REV1: variants seen among roughly 807,000 people sequenced by gnomAD.
REV1 encodes REV1 DNA directed polymerase.
A neutral mutation model predicts 137.4 loss-of-function variants in REV1; 42 were observed. The ratio of observed to expected loss-of-function variants is 0.31; its 90% confidence interval spans 0.24 to 0.40. REV1 has a LOEUF of 0.40. Ranked by LOEUF, REV1 falls within the 10% of genes least tolerant of loss-of-function variation. REV1 has a pLI of 1.00. For synonymous variants in REV1, 524 were observed against 519.2 expected, an observed-to-expected ratio of 1.01 and a Z score of -0.12; for missense variants, 1,282 against 1,490.1, an observed-to-expected ratio of 0.86 and a Z score of 2.30.
At chr2:99,451,256 C>CA in intron 3 of REV1, 19 of 750,944 alleles carry the variant, frequency 2.5e-5, no homozygotes, top group Non-Finnish European at 3.2e-5. Flanking sequence ...TATTTAATGA[C>CA]TTAAATAGAA....
intron 3 of REV1, among the ~76,000 whole-genome samples, chr2:99,452,727 T>A (rs757639483): frequency 3.9e-5 from 6 of 152,212 alleles, no homozygotes; most frequent in Admixed American, 6.5e-5. Context: ...TTCATTAACA[T>A]CCTCAATGCA....
At chr2:99,464,778 G>A (rs533279315) in intron 2 of REV1, 144 bp downstream of exon 2, 1 of 706,208 alleles carries the variant, frequency 1.4e-6, no homozygotes, top group Non-Finnish European at 2.4e-6. Flanking sequence ...AACATCATAA[G>A]GCTTTCAATA....
chr2:99,454,894 C>T (rs568956537), intron 3 of REV1, among the ~76,000 whole-genome samples: 1 of 152,282 alleles, frequency 6.6e-6, no homozygotes, highest in East Asian at 1.9e-4. Context: ...ACAAGGACCA[C>T]AATTTAGCCC....
chr2:99,469,816 C>T (rs1470398111), intron 1 of REV1, among the ~76,000 whole-genome samples: 2 of 151,912 alleles, frequency 1.3e-5, no homozygotes, highest in Non-Finnish European at 2.9e-5. Flanking sequence ...CTATCTACCC[C>T]GAGAATTATG....
chr2:99,481,218 C>A (rs549056186), intron 1 of REV1, among the ~76,000 whole-genome samples: 2 of 152,162 alleles, frequency 1.3e-5, no homozygotes, highest in African/African-American at 2.4e-5. Context: ...TGAATAATTA[C>A]GTACATCTAA....
chr2:99,429,193 A>T (rs1364573309), intron 9 of REV1, among the ~76,000 whole-genome samples: 1 of 152,150 alleles, frequency 6.6e-6, no homozygotes, highest in Admixed American at 6.6e-5. Context: ...CAACTATTCC[A>T]ATTATTTCAA....
rs57289066 is a variant in REV1 at position 99,409,866 on chromosome 2, C to A, written c.2345+829G>T. On this transcript the variant is annotated intron_variant, in intron 14 of 22. Transcript: ENST00000258428. The stretch of plus-strand genomic sequence containing the variant: ...TCAAAACAAACAACCCCCCCCCCCC[C>A]CAAAAAAAACAGCGTTTTTAAATGC... Among the ~76,000 whole-genome samples the A allele has an allele frequency of 3.3e-3, 305 of 92,814 alleles. 5 individuals are homozygous for A. Among genetic ancestry groups the A allele is most frequent in the African/African-American group, 0.012 (280 of 23,988 alleles). 60.9% of individuals were successfully genotyped at this position (92,814 alleles called of 152,430 possible).
rs368609235 is a variant in REV1 at position 99,422,936 on chromosome 2, T to C, written c.1676+1216A>G. ...CCCTCGTTTGGATGCTACCACTGACTTCCTCCTTTCAAAGAGGATTTAAAG... is the reference window on the plus strand; with the variant it reads ...CCCTCGTTTGGATGCTACCACTGACCTCCTCCTTTCAAAGAGGATTTAAAG... On this transcript the variant is annotated intron_variant, in intron 10 of 22. Transcript: ENST00000258428. 2.3e-4 allele frequency among the ~76,000 whole-genome samples: 35 copies of C among 152,306 alleles called. No individual in the cohort carries two copies. In the South Asian group the frequency reaches 7.2e-3, roughly 32 times the overall value.
chr2:99,426,966 C>T (rs967634650), intron 9 of REV1, among the ~76,000 whole-genome samples: 2 of 152,184 alleles, frequency 1.3e-5, no homozygotes, highest in Admixed American at 6.5e-5. Context: ...GAGCGGGTCA[C>T]GAGGTCAGGA....
At chr2:99,409,515 A>G (rs376027059) in intron 14 of REV1, among the ~76,000 whole-genome samples, 40 of 152,320 alleles carry the variant, frequency 2.6e-4, no homozygotes, top group African/African-American at 9.4e-4. Context: ...TCTTACATGA[A>G]GTTTAATATT....
At chr2:99,403,144 T>C (rs745583531) in intron 19 of REV1, 38 bp from the exon 20 acceptor site, 5 of 1,449,530 alleles carry the variant, frequency 3.4e-6, no homozygotes, top group South Asian at 1.3e-5. Context: ...AACAAAATGA[T>C]AGTATGGATA....
At chr2:99,435,780 T>A in intron 7 of REV1, 54 bp downstream of exon 7, 1 of 874,232 alleles carries the variant, frequency 1.1e-6, no homozygotes, top group South Asian at 1.7e-5. Flanking sequence ...TCTCTTTGAA[T>A]ATATATTTAT....
At chr2:99,437,578 C>T (rs1680921554) in intron 6 of REV1, among the ~76,000 whole-genome samples, 1 of 152,130 alleles carries the variant, frequency 6.6e-6, no homozygotes. Context: ...ATGCAAACAA[C>T]TCAAAATAAC....
intron 1 of REV1, among the ~76,000 whole-genome samples, chr2:99,467,342 T>TA (rs775965921): frequency 2.6e-5 from 4 of 152,020 alleles, no homozygotes; most frequent in Non-Finnish European, 5.9e-5. Context: ...TTTAAAACTT[T>TA]AAAAGGAAAA....
At chr2:99,420,981 G>A (rs967015350) in intron 11 of REV1, among the ~76,000 whole-genome samples, 2 of 152,152 alleles carry the variant, frequency 1.3e-5, no homozygotes, top group African/African-American at 4.8e-5. Flanking sequence ...AAAAAAGCAG[G>A]GTAAGTGCTG....
At chr2:99,403,223 C>T in intron 19 of REV1, 117 bp from the exon 20 acceptor site, 1 of 796,136 alleles carries the variant, frequency 1.3e-6, no homozygotes, top group Non-Finnish European at 1.9e-6. Flanking sequence ...CTACACCTCC[C>T]CTCCTGCCCC....
chr2:99,429,496 CAA>C (rs1411066682), intron 9 of REV1, among the ~76,000 whole-genome samples: 1 of 151,944 alleles, frequency 6.6e-6, no homozygotes, highest in Non-Finnish European at 1.5e-5. Flanking sequence ...GCAATAAAAA[CAA>C]AAGATTAGAG....
chr2:99,428,675 T>G (rs558040385), intron 9 of REV1, among the ~76,000 whole-genome samples: 1 of 152,304 alleles, frequency 6.6e-6, no homozygotes, highest in Non-Finnish European at 1.5e-5. Flanking sequence ...GATGCCTGAA[T>G]AGCCACAACT....
rs765180664 is a variant in REV1 at position 99,438,839 on chromosome 2, G to A, written c.975C>T (p.Ser325=). The A allele has an allele frequency of 1.2e-6, 2 of 1,614,210 alleles. No homozygotes were observed. Among genetic ancestry groups the A allele is most frequent in the Non-Finnish European group, 1.7e-6 (2 of 1,180,036 alleles). The part of the protein sequence containing the change: ...STVQGPSSTK[S]TSSVSTFSKA... Reference sequence around the variant, plus strand: ...TGCTAAACGTAGATACTGAAGAAGTGCTTTTTGTGCTTGAAGGCCCCTGAA... The same window carrying A: ...TGCTAAACGTAGATACTGAAGAAGTACTTTTTGTGCTTGAAGGCCCCTGAA... The change falls in exon 6 of 23, where the codon AGC becomes AGT. Residue 325 remains serine (S), a synonymous_variant. Coordinates refer to ENST00000258428, the MANE Select transcript of REV1 (RefSeq NM_016316.4).
Sources: allele counts gnomAD v4.1 joint callset (sites outside exome capture counted in the v4.1 genomes callset), GRCh38; gene constraint gnomAD v4.1.1; transcripts MANE v1.5; gene names NCBI Gene and HGNC (gene_info 2026-07-23, HGNC 2026-07-21).